Variants in GUCY1A2 observed in about 807,000 individuals in gnomAD.
GUCY1A2 encodes the protein guanylate cyclase soluble subunit alpha-2.
In GUCY1A2, 27 loss-of-function variants were observed where a neutral mutation model predicts 63.5. The ratio of observed to expected loss-of-function variants is 0.43; its 90% CI spans 0.31 to 0.59. The LOEUF is 0.59. GUCY1A2 is among the 20% of genes least tolerant of loss of function. GUCY1A2 has a pLI of 0.11. For synonymous variants in GUCY1A2, 364 were observed against 343.5 expected (o/e 1.06, Z -0.66); for missense variants, 768 against 913.3 (o/e 0.84, Z 2.05).
intron 3 of GUCY1A2, among the ~76,000 whole-genome samples, chr11:106,967,949 GA>G (rs933409648): frequency 2.0e-5 from 3 of 152,184 alleles, no homozygotes; most frequent in Non-Finnish European, 4.4e-5. Flanking sequence ...AGAGAAGTAG[GA>G]ATAAGTCAAA....
At chr11:106,982,734 A>G (rs537312690) in intron 2 of GUCY1A2, among the ~76,000 whole-genome samples, 1 of 152,290 alleles carries the variant, frequency 6.6e-6, no homozygotes, top group African/African-American at 2.4e-5. Context: ...GATACATACA[A>G]AGGCCCTGAA....
At chr11:106,968,472 T>C (rs1408567196) in intron 3 of GUCY1A2, among the ~76,000 whole-genome samples, 4 of 152,222 alleles carry the variant, frequency 2.6e-5, no homozygotes, top group African/African-American at 9.6e-5. Flanking sequence ...CTTTTACTTA[T>C]CTGGCTCTGG....
intron 5 of GUCY1A2, among the ~76,000 whole-genome samples, chr11:106,777,845 G>T (rs1864386451): frequency 6.6e-6 from 1 of 152,058 alleles, no homozygotes. Flanking sequence ...AAAAAAGGAA[G>T]AAACAAGTAT....
chr11:106,972,904 A>T (rs756598076), intron 3 of GUCY1A2, among the ~76,000 whole-genome samples: 2 of 152,134 alleles, frequency 1.3e-5, no homozygotes, highest in Non-Finnish European at 2.9e-5. Context: ...GAAGCCAGCG[A>T]AAAGGCTACA....
At chr11:106,924,831 C>A (rs2119917431) in intron 4 of GUCY1A2, among the ~76,000 whole-genome samples, 1 of 152,010 alleles carries the variant, frequency 6.6e-6, no homozygotes, top group African/African-American at 2.4e-5. Flanking sequence ...ATGGTGAAAC[C>A]CCATCTCTAC....
intron 6 of GUCY1A2, among the ~76,000 whole-genome samples, chr11:106,747,958 T>C (rs1212380200): frequency 6.6e-6 from 1 of 152,226 alleles, no homozygotes; most frequent in African/African-American, 2.4e-5. Context: ...TGCAGATCAC[T>C]GTGGCTGTGA....
intron 4 of GUCY1A2, among the ~76,000 whole-genome samples, chr11:106,866,434 C>T (rs895361190): frequency 6.6e-6 from 1 of 152,002 alleles, no homozygotes; most frequent in African/African-American, 2.4e-5. Flanking sequence ...GTCGCTGCTG[C>T]TATTCAACTA....
chr11:106,809,079 T>C (rs1007300391), intron 5 of GUCY1A2, among the ~76,000 whole-genome samples: 20 of 152,212 alleles, frequency 1.3e-4, no homozygotes, highest in African/African-American at 4.3e-4. Flanking sequence ...AAACACCTTC[T>C]GGATGATAAT....
chr11:106,760,126 CGGG>C (rs1864040584), intron 6 of GUCY1A2, among the ~76,000 whole-genome samples: 2 of 152,096 alleles, frequency 1.3e-5, no homozygotes, highest in African/African-American at 4.8e-5. Context: ...ACGTTGATCT[CGGG>C]ATTCTAGCCT....
At position 106,814,941 on chromosome 11, in the gene GUCY1A2, G is replaced by C. The variant is rs188435440; in HGVS notation, c.1207-4463C>G. Among the ~76,000 whole-genome samples, 8 of 152,072 alleles carry C rather than the reference G, an allele frequency of 5.3e-5. No individual in the cohort carries two copies. In the East Asian group the frequency reaches 1.5e-3, roughly 29 times the overall value. ...GAAAATCACAACTTGAATGAGAAAA[G>C]ACAATCGATTGACGCCAACACTAAA... On this transcript the variant is annotated intron_variant, in intron 4 of 7. Coordinates refer to ENST00000526355, the MANE Select transcript of GUCY1A2 (RefSeq NM_000855.3).
chr11:106,996,240 C>T (rs1861533813), intron 1 of GUCY1A2, among the ~76,000 whole-genome samples: 1 of 151,906 alleles, frequency 6.6e-6, no homozygotes, highest in African/African-American at 2.4e-5. Flanking sequence ...AGATGGCAAC[C>T]CATAGGAAAA....
chr11:106,993,788 A>G (rs1391759565), intron 1 of GUCY1A2, among the ~76,000 whole-genome samples: 4 of 152,200 alleles, frequency 2.6e-5, no homozygotes, highest in Admixed American at 6.5e-5. Flanking sequence ...GAGTTGGAAC[A>G]TACTGGCGGT....
chr11:106,860,979 A>C (rs894545650), intron 4 of GUCY1A2, among the ~76,000 whole-genome samples: 5 of 151,924 alleles, frequency 3.3e-5, no homozygotes, highest in African/African-American at 1.2e-4. Context: ...AATTTTAAGA[A>C]GGAGGAGGAG....
intron 2 of GUCY1A2, among the ~76,000 whole-genome samples, chr11:106,980,701 ATGTATCC>A (rs1861323536): frequency 6.6e-6 from 1 of 152,196 alleles, no homozygotes; most frequent in Admixed American, 6.5e-5. Flanking sequence ...ATCGAAGGGG[ATGTATCC>A]TAGCATGCTT....
At chr11:106,858,143 CAG>C (rs1859462245) in intron 4 of GUCY1A2, among the ~76,000 whole-genome samples, 1 of 152,124 alleles carries the variant, frequency 6.6e-6, no homozygotes, top group Non-Finnish European at 1.5e-5. Context: ...CAATATTTAA[CAG>C]ATTTCAAAAG....
intron 5 of GUCY1A2, among the ~76,000 whole-genome samples, chr11:106,798,478 C>A (rs1269460671): frequency 1.3e-5 from 2 of 152,170 alleles, no homozygotes; most frequent in African/African-American, 4.8e-5. Flanking sequence ...GAATTTTAGA[C>A]CAATATCCTT....
At chr11:106,860,687 T>C (rs1859499365) in intron 4 of GUCY1A2, among the ~76,000 whole-genome samples, 1 of 152,030 alleles carries the variant, frequency 6.6e-6, no homozygotes, top group Non-Finnish European at 1.5e-5. Context: ...CTCAGAGCTT[T>C]CTATACATAC....
chr11:106,842,730 G>T (rs902158222), intron 4 of GUCY1A2, among the ~76,000 whole-genome samples: 4 of 151,908 alleles, frequency 2.6e-5, no homozygotes, highest in African/African-American at 7.3e-5. Context: ...GGGGTAGGGA[G>T]GAATGAAGGT....
At chr11:106,749,551 C>A (rs1036216072) in intron 6 of GUCY1A2, among the ~76,000 whole-genome samples, 1 of 152,048 alleles carries the variant, frequency 6.6e-6, no homozygotes, top group African/African-American at 2.4e-5. Flanking sequence ...TAAGTTAATG[C>A]AGCCTGGAAG....
Sources: allele counts gnomAD v4.1 joint callset (sites outside exome capture counted in the v4.1 genomes callset), GRCh38; gene constraint gnomAD v4.1.1; transcripts MANE v1.5; gene names NCBI Gene and HGNC (gene_info 2026-07-23, HGNC 2026-07-21).